Variants in DENND1A observed in about 807,000 individuals in gnomAD.
DENND1A encodes the protein DENN domain containing 1A.
DENND1A carries 51 observed loss-of-function variants against 113.7 expected under a neutral mutation model. That is an observed-to-expected ratio of 0.45 (90% confidence interval 0.36 to 0.57). DENND1A has a LOEUF of 0.57. Among genes scored for constraint, DENND1A ranks in the 20% least tolerant of loss-of-function variants. The pLI, the probability that DENND1A is intolerant of heterozygous loss-of-function variation, is 0.00. For missense variants in DENND1A, 1,258 were observed against 1,395.9 expected, an observed-to-expected ratio of 0.90 and a Z score of 1.57; for synonymous variants, 565 against 570.8, an observed-to-expected ratio of 0.99 and a Z score of 0.14.
intron 19 of DENND1A, among the ~76,000 whole-genome samples, chr9:123,432,333 T>C (rs1174122558): frequency 1.3e-5 from 2 of 152,164 alleles, no homozygotes; most frequent in Non-Finnish European, 2.9e-5. Context: ...TGAGTGCACG[T>C]GGAAAGACAG....
rs1202204771 is a variant in DENND1A, at chr9:123,381,370, C to G, written c.*62G>C. 4 of 1,460,580 alleles carry G rather than the reference C, an allele frequency of 2.7e-6. No individual in the cohort carries two copies. The South Asian group carries it at 4.1e-5, about 15-fold the overall frequency. The allele number at this position is 1,460,580 out of a possible 1,614,324, so 90.5% of individuals were successfully genotyped here. ...CAGAGAGAGAGTGGCGGGGGAGCCT[C>G]GGAACCGCAGCAGTGGACGGACCCT... On this transcript the variant is annotated 3_prime_UTR_variant, in exon 24 of 24. Coordinates refer to ENST00000394215, the MANE Select transcript of DENND1A (RefSeq NM_001352964.2). The surrounding 1 kb of genome is among the most constrained non-coding windows in gnomAD (Gnocchi z 4.7).
chr9:123,592,932 C>CCA (rs1422387653), intron 11 of DENND1A, among the ~76,000 whole-genome samples: 1 of 152,126 alleles, frequency 6.6e-6, no homozygotes, highest in East Asian at 1.9e-4. Context: ...ATGTGTAATA[C>CCA]CTAGGATAGT....
At chr9:123,496,903 T>A (rs1397039061) in intron 13 of DENND1A, among the ~76,000 whole-genome samples, 1 of 152,228 alleles carries the variant, frequency 6.6e-6, no homozygotes, top group Non-Finnish European at 1.5e-5. Flanking sequence ...CCCACTGTCA[T>A]TTTGGGTTGA....
chr9:123,500,741 A>G (rs2052405121), intron 13 of DENND1A, among the ~76,000 whole-genome samples: 1 of 152,214 alleles, frequency 6.6e-6, no homozygotes. Flanking sequence ...GGAGCTCAGT[A>G]ACACACAATG....
At chr9:123,783,804 C>A (rs1390360621) in intron 3 of DENND1A, among the ~76,000 whole-genome samples, 1 of 152,190 alleles carries the variant, frequency 6.6e-6, no homozygotes, top group African/African-American at 2.4e-5. Flanking sequence ...CACTGAGCCC[C>A]CAATCTGTCC....
intron 11 of DENND1A, among the ~76,000 whole-genome samples, chr9:123,606,502 T>C (rs2060160606): frequency 6.6e-6 from 1 of 152,224 alleles, no homozygotes; most frequent in Non-Finnish European, 1.5e-5. Flanking sequence ...AAGTTTCAGC[T>C]GCAAAATGTA....
At chr9:123,860,983 A>G (rs973262409) in intron 2 of DENND1A, among the ~76,000 whole-genome samples, 10 of 152,246 alleles carry the variant, frequency 6.6e-5, no homozygotes, top group African/African-American at 2.2e-4. Flanking sequence ...AAAAGTCTAC[A>G]AAGGGTAATC....
intron 13 of DENND1A, among the ~76,000 whole-genome samples, chr9:123,500,750 T>C (rs1564608970): frequency 6.6e-6 from 1 of 152,168 alleles, no homozygotes; most frequent in South Asian, 2.1e-4. Flanking sequence ...TAACACACAA[T>C]GAATTGAATG....
intron 11 of DENND1A, among the ~76,000 whole-genome samples, chr9:123,589,129 T>C (rs1045823128): frequency 1.1e-4 from 16 of 152,124 alleles, no homozygotes; most frequent in African/African-American, 3.6e-4. Flanking sequence ...GTGATCCACT[T>C]AATTAAGAAC....
intron 3 of DENND1A, among the ~76,000 whole-genome samples, chr9:123,783,290 T>C (rs931271365): frequency 2.6e-5 from 4 of 152,334 alleles, no homozygotes; most frequent in Admixed American, 2.0e-4. Flanking sequence ...CTTGACAAAA[T>C]ATTCACTTTT....
intron 15 of DENND1A, among the ~76,000 whole-genome samples, chr9:123,455,722 G>A (rs905912023): frequency 6.6e-6 from 1 of 152,184 alleles, no homozygotes; most frequent in Non-Finnish European, 1.5e-5. Context: ...TGGATGTGCT[G>A]TTGGTAAACT....
intron 11 of DENND1A, among the ~76,000 whole-genome samples, chr9:123,590,964 G>C (rs1008968296): frequency 6.6e-6 from 1 of 152,206 alleles, no homozygotes; most frequent in Non-Finnish European, 1.5e-5. Context: ...TCTGATCTGT[G>C]GCTGTGTTTG....
intron 4 of DENND1A, among the ~76,000 whole-genome samples, chr9:123,763,158 T>C (rs2071186971): frequency 6.6e-6 from 1 of 151,568 alleles, no homozygotes; most frequent in Non-Finnish European, 1.5e-5. Context: ...CACAGTCTGG[T>C]TTATAGCTTC....
At chr9:123,911,715 C>T (rs954019574) in intron 1 of DENND1A, among the ~76,000 whole-genome samples, 13 of 149,286 alleles carry the variant, frequency 8.7e-5, no homozygotes, top group African/African-American at 2.2e-4. Context: ...TTTTTTGAGG[C>T]GGAGTCTTGC....
chr9:123,761,415 C>G lies in DENND1A; in HGVS notation c.183-3593G>C, dbSNP rs115537708. ...CTGTTGCCAACTGTGAAAACTAAAACTCACATTAAAAACTAGGCCTTTGCT... is the reference window on the plus strand; with the variant it reads ...CTGTTGCCAACTGTGAAAACTAAAAGTCACATTAAAAACTAGGCCTTTGCT... On this transcript the variant is annotated intron_variant, in intron 4 of 23. Coordinates refer to ENST00000394215, the MANE Select transcript of DENND1A (RefSeq NM_001352964.2). Among the ~76,000 whole-genome samples, 1,134 of 152,322 alleles carry G rather than the reference C, an allele frequency of 7.4e-3. 19 individuals are homozygous for G. Among genetic ancestry groups the G allele is most frequent in the African/African-American group, 0.026 (1,074 of 41,578 alleles).
intron 3 of DENND1A, among the ~76,000 whole-genome samples, chr9:123,785,620 A>G (rs748200383): frequency 2.0e-5 from 3 of 152,290 alleles, no homozygotes; most frequent in Non-Finnish European, 2.9e-5. Flanking sequence ...TACATCTGTA[A>G]TCTATCAATG....
intron 9 of DENND1A, among the ~76,000 whole-genome samples, chr9:123,643,578 C>T (rs2062142065): frequency 6.6e-6 from 1 of 152,278 alleles, no homozygotes; most frequent in African/African-American, 2.4e-5. Context: ...TTATATAGGA[C>T]AAAGATACAT....
In DENND1A at chr9:123,647,564, GTTAA is replaced by G. The variant is rs1238542982; in HGVS notation, c.618+4445_618+4448del. Among the ~76,000 whole-genome samples the G allele has an allele frequency of 3.3e-5, 5 of 152,254 alleles. No individual in the cohort carries two copies. The South Asian group carries it at 8.3e-4, about 25-fold the overall frequency. On this transcript the variant is annotated intron_variant, in intron 9 of 23. Coordinates refer to ENST00000394215, the MANE Select transcript of DENND1A (RefSeq NM_001352964.2). Reference sequence around the variant, plus strand: ...GAGGAAACCATTACCTAAATTTTGTGTTAATTATTTCTTTTTACCTTTGTAGTTT... The same window carrying G: ...GAGGAAACCATTACCTAAATTTTGTGTTATTTCTTTTTACCTTTGTAGTTT...
chr9:123,383,936 C>T (rs1409335703), intron 22 of DENND1A, 23 bp from the exon 23 acceptor site: 3 of 1,594,454 alleles, frequency 1.9e-6, no homozygotes, highest in African/African-American at 1.3e-5. Context: ...GAGCAGGCTG[C>T]ACTCTCCCAC....
Sources: gnomAD v4.1 joint callset for allele counts (sites outside exome capture counted in the v4.1 genomes callset) on GRCh38, gnomAD v4.1.1 for gene constraint, Gnocchi (gnomAD v3.1) non-coding constraint, MANE v1.5 for transcripts, NCBI Gene and HGNC (gene_info 2026-07-23, HGNC 2026-07-21) for gene names.